Variants in HDAC9 observed in about 807,000 individuals in gnomAD.
HDAC9 encodes the protein histone deacetylase 9, also known as MEF-2 interacting transcription repressor (MITR) protein.
Under a neutral mutation model 139.4 loss-of-function variants are expected in HDAC9, and 41 were observed. That is an observed-to-expected ratio of 0.29 (90% confidence interval 0.23 to 0.38). The LOEUF is 0.38. HDAC9 is among the 10% of genes least tolerant of loss of function. HDAC9 has a pLI of 1.00. For synonymous variants in HDAC9, 517 were observed against 476.2 expected, an observed-to-expected ratio of 1.09 and a Z score of -1.12; for missense variants, 1,147 against 1,297.0, an observed-to-expected ratio of 0.88 and a Z score of 1.78.
chr7:18,658,930 ACTTCT>A (rs1215766352), intron 11 of HDAC9, among the ~76,000 whole-genome samples: 1 of 151,666 alleles, frequency 6.6e-6, no homozygotes, highest in African/African-American at 2.4e-5. Flanking sequence ...AACAACAACA[ACTTCT>A]GCTATTGCCA....
chr7:18,869,147 G>GGGGTGTGTGTGTGTGTGT (rs869054896), intron 21 of HDAC9, among the ~76,000 whole-genome samples: 1 of 138,128 alleles, frequency 7.2e-6, no homozygotes, highest in African/African-American at 2.8e-5. Context: ...TCACAATTGG[G>GGGGTGTGTGTGTGTGTGT]GTGTGTGTGT....
chr7:18,905,772 C>T (rs1365080247), intron 22 of HDAC9, among the ~76,000 whole-genome samples: 1 of 152,192 alleles, frequency 6.6e-6, no homozygotes, highest in Non-Finnish European at 1.5e-5. Context: ...ACTACAACCT[C>T]TTAACATATT....
chr7:18,876,334 C>T (rs1299552884), intron 22 of HDAC9, among the ~76,000 whole-genome samples: 1 of 152,114 alleles, frequency 6.6e-6, no homozygotes, highest in African/African-American at 2.4e-5. Context: ...CCCCTCGTTC[C>T]CAGTCCCTCC....
intron 2 of HDAC9, among the ~76,000 whole-genome samples, chr7:18,579,920 G>T (rs185575719): frequency 3.9e-5 from 6 of 152,216 alleles, no homozygotes; most frequent in Admixed American, 2.0e-4. Flanking sequence ...CGTAAGGCTT[G>T]CAAGTTGTTT....
At chr7:18,538,988 C>CT (rs1288295874) in intron 2 of HDAC9, among the ~76,000 whole-genome samples, 1 of 152,124 alleles carries the variant, frequency 6.6e-6, no homozygotes, top group Admixed American at 6.5e-5. Flanking sequence ...TCAGGTCTCT[C>CT]TTTATCTTCT....
intron 21 of HDAC9, among the ~76,000 whole-genome samples, chr7:18,854,965 GT>G (rs1797568482): frequency 6.6e-6 from 1 of 152,120 alleles, no homozygotes; most frequent in South Asian, 2.1e-4. Context: ...ATTGTTAAAT[GT>G]TTTGATGATC....
intron 1 of HDAC9, among the ~76,000 whole-genome samples, chr7:18,362,271 A>G (rs1269969522): frequency 6.6e-6 from 1 of 152,224 alleles, no homozygotes; most frequent in Non-Finnish European, 1.5e-5. Context: ...TTGTCACAGA[A>G]TAGAAATCTG....
At chr7:18,561,361 A>G (rs191572597) in intron 2 of HDAC9, among the ~76,000 whole-genome samples, 2 of 152,328 alleles carry the variant, frequency 1.3e-5, no homozygotes, top group East Asian at 3.9e-4. Context: ...GAATGAAGAA[A>G]TATTTTGTTC....
chr7:18,658,837 T>C (rs1247101210), intron 11 of HDAC9, among the ~76,000 whole-genome samples: 1 of 150,940 alleles, frequency 6.6e-6, no homozygotes, highest in Non-Finnish European at 1.5e-5. Context: ...TCCTTGGAGC[T>C]TAAGGGAAAT....
chr7:18,624,473 C>A (rs1358889303), intron 6 of HDAC9, among the ~76,000 whole-genome samples: 2 of 152,102 alleles, frequency 1.3e-5, no homozygotes, highest in Non-Finnish European at 2.9e-5. Context: ...CACTAAAAAG[C>A]TTGCCTTCTG....
intron 8 of HDAC9, 40 bp from the exon 9 acceptor site, chr7:18,644,631 G>C (rs780297498): frequency 2.6e-6 from 4 of 1,547,378 alleles, no homozygotes; most frequent in Non-Finnish European, 3.5e-6. Flanking sequence ...TAAAATTTGT[G>C]ATACTGTGGT....
At chr7:18,277,943 G>A (rs1796854461) in intron 2 of HDAC9, among the ~76,000 whole-genome samples, 1 of 152,108 alleles carries the variant, frequency 6.6e-6, no homozygotes, top group Admixed American at 6.5e-5. Flanking sequence ...TTAGCTTTAT[G>A]CAACTAATTA....
intron 1 of HDAC9, among the ~76,000 whole-genome samples, chr7:18,308,928 A>C (rs1329872118): frequency 6.6e-6 from 1 of 152,184 alleles, no homozygotes; most frequent in Admixed American, 6.5e-5. Flanking sequence ...TAGATGTAGA[A>C]ACAGGTCCAG....
intron 1 of HDAC9, among the ~76,000 whole-genome samples, chr7:18,394,876 T>C (rs1458509569): frequency 1.3e-5 from 2 of 152,152 alleles, no homozygotes; most frequent in Admixed American, 6.6e-5. Flanking sequence ...CAATTACCTA[T>C]GTATTTATTA....
intron 17 of HDAC9, among the ~76,000 whole-genome samples, chr7:18,802,134 C>A (rs1205724664): frequency 2.0e-5 from 3 of 151,622 alleles, no homozygotes; most frequent in Admixed American, 6.6e-5. Context: ...TATTTTACAA[C>A]CTGTAGTCTT....
chr7:18,904,163 T>C (rs1306968086), intron 22 of HDAC9, among the ~76,000 whole-genome samples: 1 of 152,260 alleles, frequency 6.6e-6, no homozygotes, highest in Non-Finnish European at 1.5e-5. Flanking sequence ...AAAGTTTACT[T>C]TCTACTTTAG....
At chr7:18,954,632 T>C (rs1379470033) in intron 24 of HDAC9, among the ~76,000 whole-genome samples, 1 of 152,086 alleles carries the variant, frequency 6.6e-6, no homozygotes, top group African/African-American at 2.4e-5. Context: ...AAAAAATTAA[T>C]GAGAAAGCCT....
At chr7:18,550,764 G>T (rs983638886) in intron 2 of HDAC9, among the ~76,000 whole-genome samples, 1 of 152,212 alleles carries the variant, frequency 6.6e-6, no homozygotes, top group Non-Finnish European at 1.5e-5. Context: ...AGGGAGATCA[G>T]AGTGGCTGGA....
intron 22 of HDAC9, among the ~76,000 whole-genome samples, chr7:18,878,701 A>G (rs1423220094): frequency 2.6e-5 from 4 of 152,154 alleles, no homozygotes; most frequent in African/African-American, 9.7e-5. Flanking sequence ...CACAGCCAAC[A>G]TTATACTGAA....
Sources: gnomAD v4.1 joint callset for allele counts (sites outside exome capture counted in the v4.1 genomes callset) on GRCh38, gnomAD v4.1.1 for gene constraint, MANE v1.5 for transcripts, NCBI Gene and HGNC (gene_info 2026-07-23, HGNC 2026-07-21) for gene names.